Variants in SPOCK3 observed in about 807,000 individuals in gnomAD.
SPOCK3 encodes SPARC (osteonectin), cwcv and kazal like domains proteoglycan 3, also known as testican-3.
SPOCK3 carries 30 observed loss-of-function variants against 56.6 expected under a neutral mutation model. That is an observed-to-expected ratio of 0.53 (90% CI 0.40 to 0.72). The LOEUF (loss-of-function observed/expected upper bound fraction) is 0.72, where lower values mean the gene tolerates loss of function less well. SPOCK3 is among the 30% of genes least tolerant of loss of function. The probability of loss-of-function intolerance (pLI) is 0.00; values close to 1 mark genes in which losing one functional copy is unlikely to be tolerated. For missense variants in SPOCK3, 527 were observed against 530.0 expected, an observed-to-expected ratio of 0.99 and a Z score of 0.06; for synonymous variants, 196 against 183.3, an observed-to-expected ratio of 1.07 and a Z score of -0.56.
intron 6 of SPOCK3, among the ~76,000 whole-genome samples, chr4:166,886,317 T>C (rs532815757): frequency 1.3e-5 from 2 of 152,066 alleles, no homozygotes; most frequent in South Asian, 4.1e-4. Context: ...AAGGAGGGAA[T>C]CCATTAAAGG....
chr4:167,128,427 T>A (rs1762459425), intron 2 of SPOCK3, among the ~76,000 whole-genome samples: 1 of 152,204 alleles, frequency 6.6e-6, no homozygotes, highest in Non-Finnish European at 1.5e-5. Context: ...CATTTATTAC[T>A]TTGTGCAAAA....
chr4:167,116,598 A>ATATATACTATATACG (rs1761374582), intron 2 of SPOCK3, among the ~76,000 whole-genome samples: 1 of 89,826 alleles, frequency 1.1e-5, no homozygotes, highest in Non-Finnish European at 2.1e-5. Context: ...ATATATATAC[A>ATATATACTATATACG]TATATACTAT....
At chr4:166,969,124 C>T (rs763773776) in intron 4 of SPOCK3, among the ~76,000 whole-genome samples, 1 of 152,140 alleles carries the variant, frequency 6.6e-6, no homozygotes, top group Admixed American at 6.6e-5. Flanking sequence ...AATGCCTGTA[C>T]CTCCATTATA....
intron 4 of SPOCK3, among the ~76,000 whole-genome samples, chr4:166,929,021 T>C (rs1000624427): frequency 5.3e-5 from 8 of 152,014 alleles, no homozygotes; most frequent in Non-Finnish European, 1.0e-4. Flanking sequence ...GATAATAATG[T>C]GTCAGTATAG....
At chr4:166,751,803 C>G (rs1203568831) in intron 8 of SPOCK3, among the ~76,000 whole-genome samples, 1 of 152,024 alleles carries the variant, frequency 6.6e-6, no homozygotes, top group Non-Finnish European at 1.5e-5. Context: ...ATTCTTAACA[C>G]GTAAGGTAGC....
intron 6 of SPOCK3, among the ~76,000 whole-genome samples, chr4:166,792,795 G>A (rs528170178): frequency 1.3e-5 from 2 of 151,858 alleles, no homozygotes; most frequent in African/African-American, 4.8e-5. Flanking sequence ...TATTTGTTAA[G>A]CACAGAAAAG....
chr4:166,975,422 G>A (rs1008430852), intron 4 of SPOCK3, among the ~76,000 whole-genome samples: 2 of 152,028 alleles, frequency 1.3e-5, no homozygotes, highest in African/African-American at 2.4e-5. Flanking sequence ...TGAGGTATTC[G>A]ATACAGGCAT....
intron 5 of SPOCK3, among the ~76,000 whole-genome samples, chr4:166,897,624 G>A (rs939905038): frequency 6.6e-6 from 1 of 152,116 alleles, no homozygotes; most frequent in Admixed American, 6.6e-5. Flanking sequence ...CGTGCACTAA[G>A]TACAATATTC....
intron 3 of SPOCK3, among the ~76,000 whole-genome samples, chr4:167,059,446 A>T (rs1481307702): frequency 6.6e-6 from 1 of 151,942 alleles, no homozygotes; most frequent in Non-Finnish European, 1.5e-5. Flanking sequence ...TCAAAACCAC[A>T]ATGAGATACC....
At chr4:166,908,272 TCACACACACACACACACACA>T (rs5863846) in intron 5 of SPOCK3, among the ~76,000 whole-genome samples, 2 of 138,474 alleles carry the variant, frequency 1.4e-5, no homozygotes, top group Non-Finnish European at 3.1e-5. Flanking sequence ...ATGTTATTGT[TCACACACACACACACACACA>T]CACACACACA....
intron 4 of SPOCK3, among the ~76,000 whole-genome samples, chr4:166,950,010 G>A (rs1373738987): frequency 1.3e-5 from 2 of 150,570 alleles, no homozygotes; most frequent in Admixed American, 1.3e-4. Context: ...ATCGAGACTA[G>A]GAAGAAACTG....
At chr4:167,093,457 G>T (rs889408482) in intron 2 of SPOCK3, among the ~76,000 whole-genome samples, 1 of 151,830 alleles carries the variant, frequency 6.6e-6, no homozygotes, top group Non-Finnish European at 1.5e-5. Context: ...CCCATCCCCT[G>T]ACAGGCCCCG....
chr4:167,004,655 G>A (rs991728643), intron 3 of SPOCK3, among the ~76,000 whole-genome samples: 1 of 152,080 alleles, frequency 6.6e-6, no homozygotes, highest in East Asian at 1.9e-4. Flanking sequence ...AAGATAAATG[G>A]GTGTGAAGAT....
At chr4:166,918,539 A>C (rs967037565) in intron 4 of SPOCK3, 2 of 152,180 alleles carry the variant, frequency 1.3e-5, no homozygotes, top group Non-Finnish European at 2.9e-5. Flanking sequence ...TGCTATAAAA[A>C]ATGGATGTTA....
At chr4:167,164,898 A>G (rs1765626116) in intron 2 of SPOCK3, among the ~76,000 whole-genome samples, 1 of 152,146 alleles carries the variant, frequency 6.6e-6, no homozygotes, top group African/African-American at 2.4e-5. Context: ...TGCAATAAAC[A>G]TAAGTGTGCA....
intron 6 of SPOCK3, among the ~76,000 whole-genome samples, chr4:166,866,158 C>T (rs10049559): frequency 1.3e-5 from 2 of 151,936 alleles, no homozygotes; most frequent in African/African-American, 4.8e-5. Context: ...TTCAATAAAC[C>T]CTACAAAAAC....
At chr4:166,991,201 C>T (rs1747744189) in intron 4 of SPOCK3, among the ~76,000 whole-genome samples, 1 of 151,682 alleles carries the variant, frequency 6.6e-6, no homozygotes, top group Non-Finnish European at 1.5e-5. Context: ...TATTTTTTAC[C>T]ATGATTCACC....
In SPOCK3 at chr4:166,869,606, CTGTGTG is replaced by C. The variant is rs34623275; in HGVS notation, c.589+19518_589+19523del. Among the ~76,000 whole-genome samples, 314 of 141,924 alleles carry C rather than the reference CTGTGTG, an allele frequency of 2.2e-3. 1 individual carries two copies. Among genetic ancestry groups the C allele is most frequent in the East Asian group, 7.7e-3 (36 of 4,674 alleles). The allele number at this position is 141,924 out of a possible 152,430, so 93.1% of individuals were successfully genotyped here. On this transcript the variant is annotated intron_variant, in intron 6 of 10. Coordinates refer to ENST00000357545, the MANE Select transcript of SPOCK3 (RefSeq NM_001040159.2). ...TTATGTAATTATAACCAATAGAATT[CTGTGTG>C]TGTGTGTGTGTGTGTGTGTGTGTGT...
intron 4 of SPOCK3, 94 bp downstream of exon 4, chr4:167,000,255 A>G (rs1460519945): frequency 1.7e-6 from 1 of 571,726 alleles, no homozygotes; most frequent in Non-Finnish European, 3.1e-6. Context: ...CTCTGCATAA[A>G]AGATTAGCAG....
Sources: gnomAD v4.1 joint callset for allele counts (sites outside exome capture counted in the v4.1 genomes callset) on GRCh38, gnomAD v4.1.1 for gene constraint, MANE v1.5 for transcripts, NCBI Gene and HGNC (gene_info 2026-07-23, HGNC 2026-07-21) for gene names.